Variants in FUT8 observed in about 807,000 individuals in gnomAD.
FUT8 encodes the protein fucosyltransferase 8, also known as alpha-(1,6)-fucosyltransferase.
FUT8 carries 29 observed loss-of-function variants against 71.3 expected under a neutral mutation model. The observed-to-expected ratio is 0.41, with a 90% CI of 0.30 to 0.55. The LOEUF is 0.55. Among genes scored for constraint, FUT8 ranks in the 20% least tolerant of loss-of-function variants. The pLI is 0.34. For missense variants in FUT8, 544 were observed against 702.1 expected (o/e 0.77, Z 2.55); for synonymous variants, 254 against 239.3 (o/e 1.06, Z -0.57).
intron 3 of FUT8, among the ~76,000 whole-genome samples, chr14:65,562,028 A>AT (rs1450784850): frequency 4.6e-5 from 7 of 151,836 alleles, no homozygotes; most frequent in East Asian, 1.9e-4. Flanking sequence ...ACATTCTGAG[A>AT]TTTTTTTATT....
rs190962664 is a variant in FUT8, at chr14:65,467,916, C to T, written c.-228+12198C>T. On this transcript the variant is annotated intron_variant, in intron 2 of 10. Coordinates refer to ENST00000673929, the MANE Select transcript of FUT8 (RefSeq NM_001371533.1). The surrounding 1 kb of genome is among the most constrained non-coding windows in gnomAD (Gnocchi z 4.1). ...AGCAGGCTGGTGCTTCAGTAGAACC[C>T]GGGTACCTTTCTCTTTGGCTTCTTT... 3.2e-5 allele frequency: 24 copies of T among 750,540 alleles called. No homozygotes were observed. The highest frequency in any genetic ancestry group is 2.3e-4 in the East Asian group (9 of 39,494). 46.5% of individuals were successfully genotyped at this position (750,540 alleles called of 1,614,324 possible).
In FUT8 at chr14:65,740,309, T is replaced by C. The variant is rs529149942; in HGVS notation, c.1411-1784T>C. On this transcript the variant is annotated intron_variant, in intron 10 of 10. Coordinates refer to ENST00000673929, the MANE Select transcript of FUT8 (RefSeq NM_001371533.1). ...AATCTCCTTGTGTTTTAGTTGCCTATCTGCAAAATTAAAAATATTGGGGCA... is the reference window on the plus strand; with the variant it reads ...AATCTCCTTGTGTTTTAGTTGCCTACCTGCAAAATTAAAAATATTGGGGCA... Among the ~76,000 whole-genome samples the C allele has an allele frequency of 4.7e-3, 533 of 113,650 alleles. 2 individuals carry two copies. Among genetic ancestry groups the C allele is most frequent in the African/African-American group, 0.016 (506 of 31,848 alleles). 74.6% of individuals were successfully genotyped at this position (113,650 alleles called of 152,430 possible). A position where few individuals can be genotyped will look rare whatever the true frequency, so the allele number is the denominator to read the frequency against.
chr14:65,596,758 C>A (rs1888003838), intron 3 of FUT8, among the ~76,000 whole-genome samples: 1 of 151,814 alleles, frequency 6.6e-6, no homozygotes, highest in Non-Finnish European at 1.5e-5. Flanking sequence ...GTTTAAAATG[C>A]ATGGTTGTTT....
chr14:65,580,132 C>A (rs910679989), intron 3 of FUT8, among the ~76,000 whole-genome samples: 3 of 147,808 alleles, frequency 2.0e-5, no homozygotes, highest in Non-Finnish European at 4.5e-5. Flanking sequence ...CTGAGAAATA[C>A]GTCATTAGGT....
chr14:65,581,945 A>C (rs1887115246), intron 3 of FUT8, among the ~76,000 whole-genome samples: 1 of 152,142 alleles, frequency 6.6e-6, no homozygotes, highest in South Asian at 2.1e-4. Context: ...GACAGATTTT[A>C]ATTTTCTTAG....
At chr14:65,726,814 T>C (rs1319065839) in intron 9 of FUT8, among the ~76,000 whole-genome samples, 1 of 152,196 alleles carries the variant, frequency 6.6e-6, no homozygotes, top group African/African-American at 2.4e-5. Context: ...GGCAAGTCCC[T>C]TCCACCTATG....
At chr14:65,452,309 A>C (rs2065839577) in intron 1 of FUT8, among the ~76,000 whole-genome samples, 1 of 152,326 alleles carries the variant, frequency 6.6e-6, no homozygotes, top group African/African-American at 2.4e-5. Context: ...TGGTCTTTCC[A>C]CCTAAGACAA....
intron 6 of FUT8, among the ~76,000 whole-genome samples, chr14:65,665,607 A>AT (rs1193150281): frequency 6.6e-6 from 1 of 152,220 alleles, no homozygotes; most frequent in East Asian, 1.9e-4. Context: ...AATATAAATC[A>AT]TTCTACCGTA....
chr14:65,371,912 A>G, the FUT8 span, among the ~76,000 whole-genome samples: 2 of 151,988 alleles, frequency 1.3e-5, no homozygotes, highest in Non-Finnish European at 2.9e-5. Context: ...GAATGTATGT[A>G]TATATATATA....
intron 3 of FUT8, among the ~76,000 whole-genome samples, chr14:65,584,511 C>T (rs1887270002): frequency 6.6e-6 from 1 of 152,096 alleles, no homozygotes; most frequent in Non-Finnish European, 1.5e-5. Context: ...CTTTGAAACT[C>T]CTTATTTAAA....
chr14:65,508,624 C>T (rs1270206869), intron 2 of FUT8, among the ~76,000 whole-genome samples: 3 of 150,766 alleles, frequency 2.0e-5, no homozygotes, highest in African/African-American at 7.3e-5. Flanking sequence ...CCTCAGCCTC[C>T]GAAGTAGCTG....
intron 10 of FUT8, among the ~76,000 whole-genome samples, chr14:65,735,936 A>G (rs1896193466): frequency 6.6e-6 from 1 of 152,192 alleles, no homozygotes; most frequent in Admixed American, 6.5e-5. Context: ...AAAATGCCCT[A>G]GAAATATCTT....
At chr14:65,620,259 T>C (rs1173217389) in intron 5 of FUT8, among the ~76,000 whole-genome samples, 1 of 152,184 alleles carries the variant, frequency 6.6e-6, no homozygotes, top group Non-Finnish European at 1.5e-5. Context: ...TTTTCAACTG[T>C]GTTGACTGAA....
intron 2 of FUT8, among the ~76,000 whole-genome samples, chr14:65,493,820 T>C (rs2066519163): frequency 6.6e-6 from 1 of 151,864 alleles, no homozygotes; most frequent in Non-Finnish European, 1.5e-5. Flanking sequence ...CTAAGTATGA[T>C]AGTGTTTGGA....
chr14:65,453,300 A>G (rs1953419), intron 1 of FUT8, among the ~76,000 whole-genome samples: 9,571 of 152,146 alleles, frequency 0.063, 546 homozygotes, highest in South Asian at 0.2. Flanking sequence ...CACCAGCCCT[A>G]GTGCCTGCAG....
intron 2 of FUT8, among the ~76,000 whole-genome samples, chr14:65,522,949 C>A (rs1228716072): frequency 6.6e-6 from 1 of 152,182 alleles, no homozygotes; most frequent in Non-Finnish European, 1.5e-5. Context: ...ATATGTGCCA[C>A]ATTTTCTCAA....
chr14:65,597,577 C>T (rs982053144), intron 3 of FUT8, among the ~76,000 whole-genome samples: 2 of 151,062 alleles, frequency 1.3e-5, no homozygotes, highest in South Asian at 2.1e-4. Context: ...GAGCCGAGAT[C>T]GCACCACTGC....
At chr14:65,734,051 T>C (rs1412502161) in intron 10 of FUT8, among the ~76,000 whole-genome samples, 2 of 152,162 alleles carry the variant, frequency 1.3e-5, no homozygotes, top group Non-Finnish European at 2.9e-5. Context: ...TGTTCTCTCG[T>C]TTATGCACAT....
the FUT8 span, among the ~76,000 whole-genome samples, chr14:65,386,223 C>A: frequency 6.6e-6 from 1 of 151,822 alleles, no homozygotes; most frequent in East Asian, 2.0e-4. Context: ...AGGAGAATTT[C>A]TTGAACCCAG....
Sources: gnomAD v4.1 joint callset for allele counts (sites outside exome capture counted in the v4.1 genomes callset) on GRCh38, gnomAD v4.1.1 for gene constraint, Gnocchi (gnomAD v3.1) non-coding constraint, MANE v1.5 for transcripts, NCBI Gene and HGNC (gene_info 2026-07-23, HGNC 2026-07-21) for gene names.